Variants in GNAQ observed in about 807,000 individuals in gnomAD.
GNAQ encodes guanine nucleotide-binding protein G(q) subunit alpha.
GNAQ carries 8 observed loss-of-function variants against 43.9 expected under a neutral mutation model. The ratio of observed to expected loss-of-function variants is 0.18; its 90% CI spans 0.11 to 0.33. The LOEUF is 0.33. Among genes scored for constraint, GNAQ ranks in the 10% least tolerant of loss-of-function variants. The pLI is 1.00. For synonymous variants in GNAQ, 155 were observed against 170.7 expected, an observed-to-expected ratio of 0.91 and a Z score of 0.71; for missense variants, 158 against 450.8, an observed-to-expected ratio of 0.35 and a Z score of 5.88.
At chr9:77,781,353 T>C (rs1043525164) in intron 5 of GNAQ, among the ~76,000 whole-genome samples, 3 of 152,110 alleles carry the variant, frequency 2.0e-5, no homozygotes, top group Admixed American at 6.5e-5. Context: ...AAGACTGTCC[T>C]TTCCCCAATG....
chr9:77,883,581 G>C (rs1385497825), intron 2 of GNAQ, among the ~76,000 whole-genome samples: 1 of 151,588 alleles, frequency 6.6e-6, no homozygotes, highest in Non-Finnish European at 1.5e-5. Context: ...TGGGCTTCTA[G>C]TGTATCCATT....
At chr9:77,996,677 CAAAAAAAAA>C (rs3083223) in intron 1 of GNAQ, among the ~76,000 whole-genome samples, 4 of 105,612 alleles carry the variant, frequency 3.8e-5, no homozygotes, top group Admixed American at 1.1e-4. Flanking sequence ...GACTCCATCT[CAAAAAAAAA>C]AAAAAAAAAA....
At chr9:77,996,062 A>G (rs542958843) in intron 1 of GNAQ, among the ~76,000 whole-genome samples, 2 of 151,342 alleles carry the variant, frequency 1.3e-5, no homozygotes, top group South Asian at 4.2e-4. Flanking sequence ...TCTTCACCAC[A>G]GAATCAGGAA....
intron 2 of GNAQ, among the ~76,000 whole-genome samples, chr9:77,866,631 A>T (rs1272922268): frequency 6.6e-6 from 1 of 152,200 alleles, no homozygotes; most frequent in African/African-American, 2.4e-5. Flanking sequence ...TAGAAATTTC[A>T]CACAGTAACT....
chr9:78,008,128 G>A lies in GNAQ; in HGVS notation c.136+22972C>T, dbSNP rs562949319. Among the ~76,000 whole-genome samples, 119 of 152,332 alleles carry A rather than the reference G, an allele frequency of 7.8e-4. 1 individual carries two copies. The South Asian group carries it at 0.024, about 31-fold the overall frequency. ...ACAAGCAACACTCACAATAAGGTGA[G>A]ACTCAAGGACACTTAGGTGTGTTGT... On this transcript the variant is annotated intron_variant, in intron 1 of 6. Transcript: ENST00000286548.
intron 2 of GNAQ, among the ~76,000 whole-genome samples, chr9:77,874,541 C>T (rs1472522847): frequency 6.6e-6 from 1 of 152,182 alleles, no homozygotes; most frequent in Non-Finnish European, 1.5e-5. Context: ...AACAATCCTT[C>T]CCTATGTCCC....
intron 1 of GNAQ, among the ~76,000 whole-genome samples, chr9:77,924,253 T>C (rs1829037838): frequency 1.3e-5 from 2 of 152,166 alleles, no homozygotes; most frequent in Non-Finnish European, 2.9e-5. Flanking sequence ...GGTTGAAAAC[T>C]ACCATCTCTC....
At chr9:77,987,157 T>C (rs1240052111) in intron 1 of GNAQ, among the ~76,000 whole-genome samples, 1 of 152,118 alleles carries the variant, frequency 6.6e-6, no homozygotes, top group Non-Finnish European at 1.5e-5. Context: ...GCAAAAACAA[T>C]ACTAATTCCA....
intron 5 of GNAQ, among the ~76,000 whole-genome samples, chr9:77,762,024 G>T (rs1826040510): frequency 7.2e-6 from 1 of 138,006 alleles, no homozygotes; most frequent in Non-Finnish European, 1.6e-5. Context: ...CCCCTCCTGG[G>T]AAGTGAGGAG....
At chr9:77,772,810 G>A (rs113017788) in intron 5 of GNAQ, among the ~76,000 whole-genome samples, 7 of 152,148 alleles carry the variant, frequency 4.6e-5, no homozygotes, top group Non-Finnish European at 8.8e-5. Flanking sequence ...TAGATCAAGG[G>A]TGTCCAATCT....
chr9:78,014,611 A>C (rs1823814755), intron 1 of GNAQ, among the ~76,000 whole-genome samples: 1 of 152,166 alleles, frequency 6.6e-6, no homozygotes, highest in Non-Finnish European at 1.5e-5. Flanking sequence ...GTCTCAAAAC[A>C]AAACAAAACA....
intron 2 of GNAQ, among the ~76,000 whole-genome samples, chr9:77,842,231 G>C (rs1036595866): frequency 6.6e-6 from 1 of 152,188 alleles, no homozygotes; most frequent in Non-Finnish European, 1.5e-5. Context: ...AAGGATGAGA[G>C]TAACTACTGC....
intron 6 of GNAQ, among the ~76,000 whole-genome samples, chr9:77,728,120 G>A (rs1390120683): frequency 2.0e-5 from 3 of 151,838 alleles, no homozygotes; most frequent in African/African-American, 2.4e-5. Context: ...TCAGCCTCCC[G>A]AGAAGCTGGG....
intron 2 of GNAQ, among the ~76,000 whole-genome samples, chr9:77,910,568 A>C (rs1461099404): frequency 6.6e-6 from 1 of 152,054 alleles, no homozygotes; most frequent in East Asian, 1.9e-4. Context: ...AGCAGTTTAG[A>C]GACAGGCTGC....
chr9:77,743,636 C>A (rs896519286), intron 5 of GNAQ, among the ~76,000 whole-genome samples: 2 of 149,064 alleles, frequency 1.3e-5, no homozygotes, highest in African/African-American at 4.8e-5. Context: ...GGCTAATATC[C>A]ATTTGGATTG....
chr9:77,831,416 A>G (rs1207752058), intron 2 of GNAQ, among the ~76,000 whole-genome samples: 1 of 152,184 alleles, frequency 6.6e-6, no homozygotes, highest in Non-Finnish European at 1.5e-5. Context: ...ATCAATTTCC[A>G]CCCATGCAAT....
intron 2 of GNAQ, among the ~76,000 whole-genome samples, chr9:77,894,877 A>G (rs1828474313): frequency 6.6e-6 from 1 of 151,996 alleles, no homozygotes; most frequent in Non-Finnish European, 1.5e-5. Flanking sequence ...ATTTTCTCTT[A>G]AATAAAATAA....
intron 2 of GNAQ, among the ~76,000 whole-genome samples, chr9:77,889,144 T>C (rs1828357749): frequency 6.6e-6 from 1 of 151,982 alleles, no homozygotes; most frequent in African/African-American, 2.4e-5. Flanking sequence ...GCTGGGCATG[T>C]TGGCTCACAC....
Position 78,025,217 on chromosome 9 carries a change from T to C in GNAQ, c.136+5883A>G, listed in dbSNP as rs573449899. Among the ~76,000 whole-genome samples, 13 of 152,334 alleles carry C rather than the reference T, an allele frequency of 8.5e-5. No homozygotes were observed. The South Asian group carries it at 2.1e-3, about 24-fold the overall frequency. On this transcript the variant is annotated intron_variant, in intron 1 of 6. Transcript: ENST00000286548. ...CGGTAATGTAACAAATCAAAGGTGA[T>C]TGTTGAACAACTTCCTATAATTTTA... is the stretch of plus-strand genomic sequence containing the variant.
Sources: allele counts gnomAD v4.1 joint callset (sites outside exome capture counted in the v4.1 genomes callset), GRCh38; gene constraint gnomAD v4.1.1; transcripts MANE v1.5; gene names NCBI Gene and HGNC (gene_info 2026-07-23, HGNC 2026-07-21).